ADGRG6: variants seen among roughly 807,000 people sequenced by gnomAD.
ADGRG6 encodes the protein G-protein coupled receptor 126.
In ADGRG6, 84 loss-of-function variants were observed where a neutral mutation model predicts 142.4. The observed-to-expected ratio is 0.59, with a 90% CI of 0.49 to 0.71. ADGRG6 has a LOEUF of 0.71. ADGRG6 is among the 30% of genes least tolerant of loss of function. ADGRG6 has a pLI of 0.00. For synonymous variants in ADGRG6, 521 were observed against 520.5 expected, an observed-to-expected ratio of 1.00 and a Z score of -0.01; for missense variants, 1,367 against 1,466.6, an observed-to-expected ratio of 0.93 and a Z score of 1.11.
intron 22 of ADGRG6, among the ~76,000 whole-genome samples, chr6:142,421,441 A>G (rs1236292871): frequency 6.6e-6 from 1 of 152,226 alleles, no homozygotes; most frequent in African/African-American, 2.4e-5. Flanking sequence ...TAGCATATAA[A>G]TACATCTTTA....
chr6:142,438,400 C>T (rs1777591348), intron 24 of ADGRG6, 36 bp downstream of exon 24: 1 of 1,460,452 alleles, frequency 6.8e-7, no homozygotes, highest in Admixed American at 2.3e-5. Flanking sequence ...TAGTTCTCAT[C>T]ACATTTTCAT....
At chr6:142,361,444 A>C (rs879324232) in intron 2 of ADGRG6, among the ~76,000 whole-genome samples, 1 of 152,260 alleles carries the variant, frequency 6.6e-6, no homozygotes, top group East Asian at 1.9e-4. Flanking sequence ...AGGCAAGGGT[A>C]GCAGAGGTGG....
At chr6:142,345,682 A>G (rs1583014651) in intron 2 of ADGRG6, among the ~76,000 whole-genome samples, 1 of 152,136 alleles carries the variant, frequency 6.6e-6, no homozygotes, top group Non-Finnish European at 1.5e-5. Flanking sequence ...CAAATAATTC[A>G]GTCAACTAAA....
chr6:142,338,027 T>TTTTTTTTGTTTG (rs1554234632), intron 2 of ADGRG6, among the ~76,000 whole-genome samples: 1 of 58,002 alleles, frequency 1.7e-5, no homozygotes, highest in African/African-American at 5.6e-5. Context: ...GTTTTTTTTT[T>TTTTTTTTGTTTG]TTTTTTTTTT....
intron 24 of ADGRG6, chr6:142,441,007 A>T (rs367637653): frequency 7.1e-6 from 6 of 844,236 alleles, no homozygotes; most frequent in Non-Finnish European, 1.1e-5. Flanking sequence ...GTAATAAGAG[A>T]ATATGTGCAT....
rs73578316 is a variant in ADGRG6 at position 142,315,051 on chromosome 6, C to G, written c.103+5407C>G. 6.4e-3 allele frequency among the ~76,000 whole-genome samples: 965 copies of G among 150,318 alleles called. 12 individuals carry two copies. Among genetic ancestry groups the G allele is most frequent in the African/African-American group, 0.023 (916 of 40,626 alleles). Reference sequence around the variant, plus strand: ...GTGCACATAGTTTTAATTGTTTTACCTGTAAAGTTTCTTCTGTGTACTTCC... The same window carrying G: ...GTGCACATAGTTTTAATTGTTTTACGTGTAAAGTTTCTTCTGTGTACTTCC... On this transcript the variant is annotated intron_variant, in intron 2 of 24. Coordinates refer to ENST00000367609, the MANE Select transcript of ADGRG6 (RefSeq NM_198569.3).
intron 2 of ADGRG6, among the ~76,000 whole-genome samples, chr6:142,313,653 G>A (rs751988289): frequency 2.0e-5 from 3 of 152,144 alleles, no homozygotes; most frequent in Non-Finnish European, 2.9e-5. Flanking sequence ...GTTCTGGAAG[G>A]CAGGTGATTG....
At chr6:142,412,144 G>A (rs1582650742) in intron 18 of ADGRG6, among the ~76,000 whole-genome samples, 1 of 152,072 alleles carries the variant, frequency 6.6e-6, no homozygotes, top group South Asian at 2.1e-4. Context: ...CGCATCCAGC[G>A]ACTTCTTTGA....
At chr6:142,378,191 T>C (rs1781588809) in intron 4 of ADGRG6, among the ~76,000 whole-genome samples, 1 of 152,226 alleles carries the variant, frequency 6.6e-6, no homozygotes, top group Admixed American at 6.5e-5. Flanking sequence ...TTTTCTTTTC[T>C]TATTTTTACC....
chr6:142,368,974 A>G (rs1391879089), intron 3 of ADGRG6, among the ~76,000 whole-genome samples: 1 of 152,180 alleles, frequency 6.6e-6, no homozygotes, highest in African/African-American at 2.4e-5. Flanking sequence ...GTCTCTTTGC[A>G]TAAGTGAACC....
chr6:142,327,133 A>C lies in ADGRG6; in HGVS notation c.103+17489A>C, dbSNP rs541923293. Among the ~76,000 whole-genome samples the C allele has an allele frequency of 2.0e-5, 3 of 152,224 alleles. No individual in the cohort carries two copies. In the South Asian group the frequency reaches 6.2e-4, roughly 32 times the overall value. ...TATTAATTAAGTTGTTTTTAGATGTAATGCAGTTGTCAGTGGGGTAATATG... is the reference window on the plus strand; with the variant it reads ...TATTAATTAAGTTGTTTTTAGATGTCATGCAGTTGTCAGTGGGGTAATATG... On this transcript the variant is annotated intron_variant, in intron 2 of 24. Transcript: ENST00000367609.
chr6:142,363,686 C>A (rs1351083176), intron 2 of ADGRG6, among the ~76,000 whole-genome samples: 1 of 152,148 alleles, frequency 6.6e-6, no homozygotes, highest in Non-Finnish European at 1.5e-5. Context: ...ACCAATACCT[C>A]ATTCAGTGGC....
intron 4 of ADGRG6, 99 bp downstream of exon 4, chr6:142,370,892 A>G (rs1562345460): frequency 8.5e-7 from 1 of 1,177,870 alleles, no homozygotes; most frequent in Non-Finnish European, 1.2e-6. Context: ...ATGTACCTGT[A>G]TGTATATTCA....
intron 6 of ADGRG6, 65 bp downstream of exon 6, chr6:142,383,908 GA>G (rs1781899066): frequency 6.1e-6 from 5 of 813,616 alleles, no homozygotes; most frequent in Non-Finnish European, 1.1e-5. Context: ...TCTAAGGATG[GA>G]AATATGTATT....
At chr6:142,377,820 A>C (rs1781576148) in intron 4 of ADGRG6, among the ~76,000 whole-genome samples, 1 of 152,282 alleles carries the variant, frequency 6.6e-6, no homozygotes, top group South Asian at 2.1e-4. Context: ...TTGATAGTTC[A>C]TGTATTTGTT....
At chr6:142,440,891 A>C in intron 24 of ADGRG6, 2 of 1,314,868 alleles carry the variant, frequency 1.5e-6, no homozygotes, top group Non-Finnish European at 2.1e-6. Flanking sequence ...CTAGATATTC[A>C]TATGTTTATG....
At position 142,344,707 on chromosome 6, in the gene ADGRG6, C is replaced by T. The variant is rs550414163; in HGVS notation, c.104-22862C>T. On this transcript the variant is annotated intron_variant, in intron 2 of 24. Coordinates refer to ENST00000367609, the MANE Select transcript of ADGRG6 (RefSeq NM_198569.3). Reference sequence around the variant, plus strand: ...CTTCCTTAAAACTGTAAGGAAAAAGCTTCTGCTTCTATTCTATTTGAGGTA... The same window carrying T: ...CTTCCTTAAAACTGTAAGGAAAAAGTTTCTGCTTCTATTCTATTTGAGGTA... 3.9e-5 allele frequency among the ~76,000 whole-genome samples: 6 copies of T among 151,988 alleles called. No homozygotes were observed. In the South Asian group the frequency reaches 1.2e-3, roughly 31 times the overall value.
At chr6:142,437,014 C>T (rs775620904) in intron 22 of ADGRG6, among the ~76,000 whole-genome samples, 2 of 152,134 alleles carry the variant, frequency 1.3e-5, no homozygotes, top group African/African-American at 2.4e-5. Context: ...GCTCAGAATA[C>T]ACAAATTGAA....
intron 2 of ADGRG6, among the ~76,000 whole-genome samples, chr6:142,313,760 T>G (rs750931033): frequency 6.6e-6 from 1 of 152,154 alleles, no homozygotes; most frequent in Admixed American, 6.6e-5. Flanking sequence ...ATTTTTCTTA[T>G]GATCATAACA....
Sources: allele counts gnomAD v4.1 joint callset (sites outside exome capture counted in the v4.1 genomes callset), GRCh38; gene constraint gnomAD v4.1.1; transcripts MANE v1.5; gene names NCBI Gene and HGNC (gene_info 2026-07-23, HGNC 2026-07-21).